The following LCP2 variants were observed in gnomAD, a reference collection of about 807,000 sequenced individuals.
The protein encoded by LCP2 is lymphocyte cytosolic protein 2.
In LCP2, 29 loss-of-function variants were observed where a neutral mutation model predicts 74.5. That is an observed-to-expected ratio of 0.39 (90% confidence interval 0.29 to 0.53). LCP2 has a LOEUF of 0.53. Ranked by LOEUF, LCP2 falls within the 20% of genes least tolerant of loss-of-function variation. The pLI is 0.72. For synonymous variants in LCP2, 228 were observed against 229.5 expected, an observed-to-expected ratio of 0.99 and a Z score of 0.06; for missense variants, 604 against 634.6, an observed-to-expected ratio of 0.95 and a Z score of 0.52.
At chr5:170,251,742 T>C (rs1157991756) in intron 19 of LCP2, 1 of 448,124 alleles carries the variant, frequency 2.2e-6, no homozygotes, top group Non-Finnish European at 4.5e-6. Flanking sequence ...CCTGGGAAGT[T>C]TGAAGACTCC....
At chr5:170,282,202 C>A (rs1424891286) in intron 3 of LCP2, among the ~76,000 whole-genome samples, 1 of 152,150 alleles carries the variant, frequency 6.6e-6, no homozygotes, top group Non-Finnish European at 1.5e-5. Flanking sequence ...ATATTGTAAA[C>A]GTCAGGGAAG....
At chr5:170,280,406 A>G (rs1762080294) in intron 3 of LCP2, among the ~76,000 whole-genome samples, 2 of 151,946 alleles carry the variant, frequency 1.3e-5, no homozygotes, top group Admixed American at 6.6e-5. Flanking sequence ...TCCAAGGAAC[A>G]AAGTGTTCTT....
At chr5:170,292,610 A>G (rs1762310723) in intron 2 of LCP2, among the ~76,000 whole-genome samples, 1 of 152,122 alleles carries the variant, frequency 6.6e-6, no homozygotes, top group South Asian at 2.1e-4. Flanking sequence ...TTGAAGTCTT[A>G]TTTTCAAAGA....
chr5:170,293,846 C>T (rs1356540486), intron 1 of LCP2, among the ~76,000 whole-genome samples: 3 of 152,156 alleles, frequency 2.0e-5, no homozygotes, highest in African/African-American at 7.2e-5. Flanking sequence ...ATAAACACTG[C>T]CTAGTGTTAT....
chr5:170,264,069 AAAT>A (rs1761706531), intron 10 of LCP2, among the ~76,000 whole-genome samples: 1 of 152,210 alleles, frequency 6.6e-6, no homozygotes, highest in African/African-American at 2.4e-5. Flanking sequence ...GTAGTTGCTG[AAAT>A]AATCTGCTGC....
Position 170,256,178 on chromosome 5 carries a change from T to C in LCP2, c.1150+348A>G, listed in dbSNP as rs11959370. 0.01 allele frequency among the ~76,000 whole-genome samples: 1,537 copies of C among 152,308 alleles called. 35 individuals are homozygous for C. The highest frequency in any genetic ancestry group is 0.035 in the African/African-American group (1,474 of 41,556). The stretch of plus-strand genomic sequence containing the variant: ...GTGTGTCCATGTATGTATGTGTGTA[T>C]GCATGTGCATGTGTGTGCATGTATT... On this transcript the variant is annotated intron_variant, in intron 17 of 20. Transcript: ENST00000046794. This position sits in a 1 kb window ranked among gnomAD's most constrained non-coding sequence, Gnocchi z 4.5.
chr5:170,255,888 T>C (rs1454103000), intron 17 of LCP2, among the ~76,000 whole-genome samples: 1 of 152,222 alleles, frequency 6.6e-6, no homozygotes, highest in South Asian at 2.1e-4. Context: ...ATCATGGACG[T>C]CCAGAGGTGG....
chr5:170,294,003 G>A (rs1762331566), intron 1 of LCP2, among the ~76,000 whole-genome samples: 1 of 152,172 alleles, frequency 6.6e-6, no homozygotes, highest in Admixed American at 6.5e-5. Context: ...TGTGTGGCAG[G>A]CAGTGTACCA....
intron 3 of LCP2, among the ~76,000 whole-genome samples, chr5:170,284,891 C>T (rs1762157932): frequency 6.6e-6 from 1 of 152,040 alleles, no homozygotes; most frequent in Non-Finnish European, 1.5e-5. Context: ...GCTGGAACTA[C>T]AGTCGCCTGC....
rs1294885969 is a variant in LCP2 at position 170,274,323 on chromosome 5, T to G, written c.302A>C (p.Asp101Ala). 1 of 1,613,226 alleles carries G rather than the reference T, an allele frequency of 6.2e-7. No homozygotes were observed. The highest frequency in any genetic ancestry group is 8.5e-7 in the Non-Finnish European group (1 of 1,179,664). ...CACAAAGGACGACCAGCCCCCATTG[T>G]CCTCTTCGTGGCTTTCTGTGGAAGG... is the stretch of plus-strand genomic sequence containing the variant. ...FPEETESHEE[D>A]NGGWSSFEED... Residue 101 changes from aspartate to alanine, a missense_variant, in exon 6 of 21, where the codon GAC becomes GCC. Asp to Ala is a moderately radical substitution (Grantham distance 126). Coordinates refer to ENST00000046794, the MANE Select transcript of LCP2 (RefSeq NM_005565.5).
intron 13 of LCP2, among the ~76,000 whole-genome samples, chr5:170,261,408 T>TGTGTATAC (rs1761649481): frequency 1.7e-5 from 1 of 59,038 alleles, no homozygotes; most frequent in South Asian, 4.7e-4. Flanking sequence ...TGTGTGTGTG[T>TGTGTATAC]ATATATATAT....
intron 2 of LCP2, among the ~76,000 whole-genome samples, chr5:170,290,364 T>C (rs1321463582): frequency 6.6e-6 from 1 of 152,202 alleles, no homozygotes. Flanking sequence ...CTGGGTTTCA[T>C]TCAGGGCAGT....
intron 3 of LCP2, among the ~76,000 whole-genome samples, chr5:170,282,128 C>G (rs575171308): frequency 6.6e-6 from 1 of 152,288 alleles, no homozygotes; most frequent in African/African-American, 2.4e-5. Flanking sequence ...AGAGTGACTG[C>G]ATTTTCAGGC....
chr5:170,281,319 C>G (rs138878386), intron 3 of LCP2, among the ~76,000 whole-genome samples: 4,145 of 151,944 alleles, frequency 0.027, 92 homozygotes, highest in Middle Eastern at 0.076. Flanking sequence ...TTGCTCTGTC[C>G]CCCAGGCTGG....
intron 1 of LCP2, among the ~76,000 whole-genome samples, chr5:170,296,061 C>T (rs1485011104): frequency 6.6e-6 from 1 of 152,194 alleles, no homozygotes; most frequent in African/African-American, 2.4e-5. Context: ...TGCCTCTCAG[C>T]CCGTCCCAAG....
intron 17 of LCP2, among the ~76,000 whole-genome samples, chr5:170,255,446 G>A (rs538863831): frequency 6.6e-6 from 1 of 152,198 alleles, no homozygotes; most frequent in Admixed American, 6.5e-5. Flanking sequence ...CAAAAAAAGT[G>A]GCTTTTCTGT....
intron 15 of LCP2, chr5:170,258,378 C>A (rs565867570): frequency 4.0e-6 from 2 of 503,046 alleles, no homozygotes; most frequent in Non-Finnish European, 7.1e-6. Context: ...TACAAAGGGG[C>A]GCAGATCTAG....
At chr5:170,286,106 C>T (rs1172353954) in intron 3 of LCP2, among the ~76,000 whole-genome samples, 2 of 152,208 alleles carry the variant, frequency 1.3e-5, no homozygotes, top group African/African-American at 2.4e-5. Context: ...AATCTGATCC[C>T]TATTACTTAA....
intron 3 of LCP2, among the ~76,000 whole-genome samples, chr5:170,283,822 T>G (rs1762141827): frequency 6.6e-6 from 1 of 152,178 alleles, no homozygotes. Context: ...ATTTCTAGAA[T>G]GTCCTACAAT....
Sources: allele counts gnomAD v4.1 joint callset (sites outside exome capture counted in the v4.1 genomes callset), GRCh38; gene constraint gnomAD v4.1.1; non-coding constraint Gnocchi (gnomAD v3.1); transcripts MANE v1.5; gene names NCBI Gene and HGNC (gene_info 2026-07-23, HGNC 2026-07-21).